Variants in STXBP5L observed in about 807,000 individuals in gnomAD.
The protein encoded by STXBP5L is syntaxin-binding protein 5-like.
A neutral mutation model predicts 144.5 loss-of-function variants in STXBP5L; 65 were observed. That is an observed-to-expected ratio of 0.45 (90% CI 0.37 to 0.55). The LOEUF (loss-of-function observed/expected upper bound fraction) is 0.55. Among genes scored for constraint, STXBP5L ranks in the 20% least tolerant of loss-of-function variants. The pLI is 0.00. For missense variants in STXBP5L, 1,298 were observed against 1,405.5 expected, an observed-to-expected ratio of 0.92 and a Z score of 1.22; for synonymous variants, 505 against 469.6, an observed-to-expected ratio of 1.08 and a Z score of -0.97.
At chr3:121,015,498 C>G (rs563141051) in intron 3 of STXBP5L, among the ~76,000 whole-genome samples, 5 of 152,088 alleles carry the variant, frequency 3.3e-5, no homozygotes, top group Non-Finnish European at 5.9e-5. Context: ...CAGAAACACT[C>G]AAATAGTAAC....
intron 20 of STXBP5L, among the ~76,000 whole-genome samples, chr3:121,330,802 A>G (rs1294073122): frequency 2.0e-5 from 3 of 152,192 alleles, no homozygotes; most frequent in Non-Finnish European, 4.4e-5. Flanking sequence ...CAACGGAGAG[A>G]TCCTGAGTCT....
intron 3 of STXBP5L, among the ~76,000 whole-genome samples, chr3:120,974,764 T>C (rs1437097748): frequency 6.6e-6 from 1 of 152,262 alleles, no homozygotes; most frequent in East Asian, 1.9e-4. Context: ...TACATATGGC[T>C]AGCCAGTTTT....
Position 121,418,467 on chromosome 3 carries a change from T to C in STXBP5L, c.3357T>C (p.Leu1119=), listed in dbSNP as rs980970968. The C allele has an allele frequency of 6.2e-7, 1 of 1,614,102 alleles. No individual in the cohort carries two copies. Among genetic ancestry groups the C allele is most frequent in the Admixed American group, 1.7e-5 (1 of 60,006 alleles). Residue 1119 remains leucine, a synonymous_variant, in exon 26 of 27, where the codon CTT becomes CTC. Coordinates refer to ENST00000471454, the MANE Select transcript of STXBP5L (RefSeq NM_001308330.2). ...MGELTRARIA[L]DERGQRLGEL... is the part of the protein sequence containing the mutation. Reference sequence around the variant, plus strand: ...AGCTGACCCGTGCACGGATTGCACTTGATGAAAGAGGACAGAGGCTAGGAG... The same window carrying C: ...AGCTGACCCGTGCACGGATTGCACTCGATGAAAGAGGACAGAGGCTAGGAG...
At chr3:121,006,049 C>T (rs1944269327) in intron 3 of STXBP5L, among the ~76,000 whole-genome samples, 1 of 152,128 alleles carries the variant, frequency 6.6e-6, no homozygotes, top group Non-Finnish European at 1.5e-5. Flanking sequence ...GTGGAGAGTT[C>T]TGTTGATGTC....
intron 22 of STXBP5L, among the ~76,000 whole-genome samples, chr3:121,400,065 C>A (rs2046834084): frequency 6.6e-6 from 1 of 152,220 alleles, no homozygotes; most frequent in Non-Finnish European, 1.5e-5. Context: ...TCTACTGATG[C>A]ACAGGGTTCT....
chr3:121,257,409 A>T, intron 17 of STXBP5L, 76 bp downstream of exon 17: 1 of 1,348,856 alleles, frequency 7.4e-7, no homozygotes, highest in Non-Finnish European at 1.0e-6. Flanking sequence ...AAATGAAATT[A>T]ATTTTCTCTT....
intron 6 of STXBP5L, among the ~76,000 whole-genome samples, chr3:121,119,265 T>G (rs571641033): frequency 1.3e-4 from 20 of 151,566 alleles, no homozygotes; most frequent in African/African-American, 4.6e-4. Flanking sequence ...AGTAGTAACT[T>G]TCCTTATGTA....
chr3:121,163,961 CACA>C (rs1484080678), intron 9 of STXBP5L, among the ~76,000 whole-genome samples: 1 of 151,996 alleles, frequency 6.6e-6, no homozygotes, highest in Non-Finnish European at 1.5e-5. Flanking sequence ...GGGTATAGTT[CACA>C]ACAGCAATTT....
chr3:121,216,627 C>A (rs2048785977), intron 10 of STXBP5L, among the ~76,000 whole-genome samples: 1 of 152,198 alleles, frequency 6.6e-6, no homozygotes, highest in Non-Finnish European at 1.5e-5. Flanking sequence ...TCGATCACTG[C>A]TGGGTTGTGT....
intron 3 of STXBP5L, among the ~76,000 whole-genome samples, chr3:120,997,488 G>C (rs1943443115): frequency 6.6e-6 from 1 of 152,028 alleles, no homozygotes; most frequent in Non-Finnish European, 1.5e-5. Flanking sequence ...ATTCTGACTG[G>C]TATGATATAT....
intron 3 of STXBP5L, among the ~76,000 whole-genome samples, chr3:120,989,129 T>C (rs1029923571): frequency 1.3e-5 from 2 of 152,158 alleles, no homozygotes; most frequent in African/African-American, 4.8e-5. Context: ...GCTAAATGTA[T>C]AAGTGCAGTT....
At chr3:120,989,681 A>G (rs982749516) in intron 3 of STXBP5L, among the ~76,000 whole-genome samples, 6 of 152,038 alleles carry the variant, frequency 3.9e-5, no homozygotes, top group Non-Finnish European at 8.8e-5. Flanking sequence ...TTTTTGTTTT[A>G]CGTATTACGT....
At chr3:121,313,693 G>T (rs1233967135) in intron 19 of STXBP5L, among the ~76,000 whole-genome samples, 2 of 72,582 alleles carry the variant, frequency 2.8e-5, no homozygotes, top group Non-Finnish European at 2.8e-5. Flanking sequence ...GGGCAGAGGA[G>T]CCCCTCACCT....
At chr3:121,025,919 T>C (rs1945895852) in intron 3 of STXBP5L, among the ~76,000 whole-genome samples, 1 of 146,180 alleles carries the variant, frequency 6.8e-6, no homozygotes. Context: ...AATTTATAAA[T>C]ATATCTATAA....
At chr3:121,165,275 C>G (rs2046459907) in intron 9 of STXBP5L, among the ~76,000 whole-genome samples, 1 of 152,174 alleles carries the variant, frequency 6.6e-6, no homozygotes, top group Non-Finnish European at 1.5e-5. Flanking sequence ...TTGCTAATCT[C>G]TGAATGCCTC....
At chr3:120,980,032 G>T (rs1291174589) in intron 3 of STXBP5L, among the ~76,000 whole-genome samples, 1 of 152,056 alleles carries the variant, frequency 6.6e-6, no homozygotes. Context: ...GTATCTTTTT[G>T]ATAGTTTCTG....
At chr3:120,989,337 T>G (rs1942608687) in intron 3 of STXBP5L, among the ~76,000 whole-genome samples, 1 of 152,212 alleles carries the variant, frequency 6.6e-6, no homozygotes, top group Non-Finnish European at 1.5e-5. Flanking sequence ...CTGACTGGTG[T>G]AAGATGGTAT....
At chr3:121,268,595 T>C (rs2050645953) in intron 18 of STXBP5L, among the ~76,000 whole-genome samples, 1 of 152,194 alleles carries the variant, frequency 6.6e-6, no homozygotes. Context: ...ATTATTACCA[T>C]ATTATATACT....
intron 19 of STXBP5L, among the ~76,000 whole-genome samples, chr3:121,309,760 T>A (rs1402906710): frequency 6.6e-6 from 1 of 152,192 alleles, no homozygotes; most frequent in Non-Finnish European, 1.5e-5. Flanking sequence ...TCTACCAAAT[T>A]AAGCCATATG....
Sources: gnomAD v4.1 joint callset for allele counts (sites outside exome capture counted in the v4.1 genomes callset) on GRCh38, gnomAD v4.1.1 for gene constraint, MANE v1.5 for transcripts, NCBI Gene and HGNC (gene_info 2026-07-23, HGNC 2026-07-21) for gene names.